Variants in TASP1 observed in about 807,000 individuals in gnomAD.
The protein encoded by TASP1 is threonine aspartase 1.
TASP1 carries 16 observed loss-of-function variants against 56.6 expected under a neutral mutation model. The ratio of observed to expected loss-of-function variants is 0.28; its 90% confidence interval spans 0.19 to 0.43. The LOEUF is 0.43. TASP1 is among the 20% of genes least tolerant of loss of function. TASP1 has a pLI of 1.00. For synonymous variants in TASP1, 179 were observed against 184.2 expected (o/e 0.97, Z 0.23); for missense variants, 393 against 511.6 (o/e 0.77, Z 2.24).
At chr20:13,515,133 T>C (rs1396527212) in intron 10 of TASP1, among the ~76,000 whole-genome samples, 1 of 152,138 alleles carries the variant, frequency 6.6e-6, no homozygotes, top group East Asian at 1.9e-4. Context: ...GAACCTTGGC[T>C]AACATACAGG....
the TASP1 span, among the ~76,000 whole-genome samples, chr20:13,198,818 CT>C: frequency 7.3e-6 from 1 of 137,068 alleles, no homozygotes; most frequent in East Asian, 2.2e-4. Flanking sequence ...TTCTTTCTTT[CT>C]TTCTTTCTTT....
At chr20:13,154,254 C>T in the TASP1 span, 1 of 1,335,210 alleles carries the variant, frequency 7.5e-7, no homozygotes, top group African/African-American at 1.5e-5. Context: ...TCAGAATTCA[C>T]TCGTACGGCT....
the TASP1 span, among the ~76,000 whole-genome samples, chr20:13,268,410 T>C: frequency 7.9e-6 from 1 of 127,328 alleles, no homozygotes. Context: ...CTCTCCATGC[T>C]AGGTTCAAAC....
intron 12 of TASP1, among the ~76,000 whole-genome samples, chr20:13,434,070 A>G (rs2042919602): frequency 6.6e-6 from 1 of 152,136 alleles, no homozygotes; most frequent in Admixed American, 6.6e-5. Flanking sequence ...AAAAGTGAGC[A>G]TACTGTTTAA....
At chr20:13,506,622 T>C (rs767979231) in intron 10 of TASP1, among the ~76,000 whole-genome samples, 13 of 152,068 alleles carry the variant, frequency 8.5e-5, no homozygotes, top group Non-Finnish European at 1.6e-4. Flanking sequence ...ACCACATTAA[T>C]AGAATGAAGA....
chr20:13,395,699 T>C (rs1246018383), intron 13 of TASP1, among the ~76,000 whole-genome samples: 1 of 151,458 alleles, frequency 6.6e-6, no homozygotes, highest in Non-Finnish European at 1.5e-5. Flanking sequence ...CTTTCTTTTT[T>C]TTTTTTTTTT....
rs76445968 is a variant in TASP1, at chr20:13,412,111, G to C, written c.1170+5337C>G. On this transcript the variant is annotated intron_variant, in intron 13 of 13. Coordinates refer to ENST00000337743, the MANE Select transcript of TASP1 (RefSeq NM_017714.3). ...CTTAATGAATCACTCACAATTCTTT[G>C]CTCTGCTCCAAGCTTTGGTGTGTTG... 3.5e-3 allele frequency among the ~76,000 whole-genome samples: 538 copies of C among 152,172 alleles called. 3 individuals carry two copies. The highest frequency in any genetic ancestry group is 9.5e-3 in the South Asian group (46 of 4,820).
the TASP1 span, among the ~76,000 whole-genome samples, chr20:13,183,535 T>C: frequency 6.6e-6 from 1 of 152,178 alleles, no homozygotes; most frequent in East Asian, 1.9e-4. Context: ...ATGGATTATC[T>C]ACTAAAAACA....
the TASP1 span, among the ~76,000 whole-genome samples, chr20:13,206,573 G>A: frequency 6.6e-6 from 1 of 152,072 alleles, no homozygotes; most frequent in Non-Finnish European, 1.5e-5. Flanking sequence ...GGTGAGACAG[G>A]AGGGAGGAAG....
At chr20:13,579,069 C>G (rs1332068954) in intron 6 of TASP1, among the ~76,000 whole-genome samples, 1 of 152,160 alleles carries the variant, frequency 6.6e-6, no homozygotes, top group Non-Finnish European at 1.5e-5. Flanking sequence ...AACCAAACAA[C>G]TACATCTTTT....
the TASP1 span, among the ~76,000 whole-genome samples, chr20:13,172,753 T>G: frequency 6.6e-6 from 1 of 152,190 alleles, no homozygotes; most frequent in African/African-American, 2.4e-5. Flanking sequence ...TCAGAAAGTT[T>G]ACTTCAGTAC....
At chr20:13,579,454 C>T (rs1488590086) in intron 6 of TASP1, among the ~76,000 whole-genome samples, 6 of 151,986 alleles carry the variant, frequency 3.9e-5, no homozygotes, top group African/African-American at 9.7e-5. Flanking sequence ...CTGCAAGCTC[C>T]GCCTCCTGGG....
the TASP1 span, among the ~76,000 whole-genome samples, chr20:13,314,494 G>A: frequency 1.3e-5 from 2 of 150,992 alleles, no homozygotes; most frequent in Non-Finnish European, 3.0e-5. Flanking sequence ...TTGAGAGAGA[G>A]AAAAAAAACC....
the TASP1 span, among the ~76,000 whole-genome samples, chr20:13,189,327 C>T: frequency 1.3e-5 from 2 of 152,048 alleles, no homozygotes; most frequent in African/African-American, 4.8e-5. Context: ...AACTAAAGAC[C>T]TTCTGCATAG....
chr20:13,222,983 T>C, the TASP1 span, among the ~76,000 whole-genome samples: 2 of 151,890 alleles, frequency 1.3e-5, no homozygotes, highest in African/African-American at 2.4e-5. Context: ...GCCGACATGG[T>C]GAAACCCCGT....
chr20:13,385,474 C>A (rs2041157209), downstream of TASP1, among the ~76,000 whole-genome samples: 1 of 152,230 alleles, frequency 6.6e-6, no homozygotes, highest in South Asian at 2.1e-4. Context: ...AATGGCTGAG[C>A]AGGTGCACAT....
chr20:13,483,316 C>A lies in TASP1; in HGVS notation c.896G>T (p.Arg299Leu), dbSNP rs201419798. 2 of 1,583,122 alleles carry A rather than the reference C, an allele frequency of 1.3e-6. No individual in the cohort carries two copies. Among genetic ancestry groups the A allele is most frequent in the South Asian group, 1.2e-5 (1 of 86,312 alleles). The part of the protein sequence containing the change: ...STSGCGEHLV[R>L]TILARECSHA... Reference sequence around the variant, plus strand: ...TGAACATTCTCTAGCCAGTATGGTGCGCACAAGATGCTCTCCACATCCTAG... The same window carrying A: ...TGAACATTCTCTAGCCAGTATGGTGAGCACAAGATGCTCTCCACATCCTAG... Residue 299 changes from arginine to leucine, a missense_variant, in exon 11 of 14, where the codon CGC becomes CTC. Coordinates refer to ENST00000337743, the MANE Select transcript of TASP1 (RefSeq NM_017714.3).
chr20:13,120,295 C>T, the TASP1 span, among the ~76,000 whole-genome samples: 14 of 152,102 alleles, frequency 9.2e-5, no homozygotes, highest in African/African-American at 2.7e-4. Context: ...ATCTCAAATT[C>T]GGGGATTATT....
At chr20:13,310,469 C>G in the TASP1 span, among the ~76,000 whole-genome samples, 4 of 149,536 alleles carry the variant, frequency 2.7e-5, no homozygotes, top group Non-Finnish European at 4.4e-5. Flanking sequence ...AACTGTAAAA[C>G]AACTGGAAGG....
Sources: gnomAD v4.1 joint callset for allele counts (sites outside exome capture counted in the v4.1 genomes callset) on GRCh38, gnomAD v4.1.1 for gene constraint, MANE v1.5 for transcripts, NCBI Gene and HGNC (gene_info 2026-07-23, HGNC 2026-07-21) for gene names.